The following DMD variants were observed in gnomAD, a reference collection of about 807,000 sequenced individuals.
The protein encoded by DMD is mutant dystrophin.
A neutral mutation model predicts 330.1 loss-of-function variants in DMD; 63 were observed. The ratio of observed to expected loss-of-function variants is 0.19; its 90% confidence interval spans 0.16 to 0.24. The LOEUF (loss-of-function observed/expected upper bound fraction) is 0.24, where lower values mean the gene tolerates loss of function less well. DMD is among the 10% of genes least tolerant of loss of function. The pLI, the probability that DMD is intolerant of heterozygous loss-of-function variation, is 1.00. For missense variants in DMD, 3,344 were observed against 2,684.1 expected, an observed-to-expected ratio of 1.25 and a Z score of -5.43; for synonymous variants, 1,223 against 959.8, an observed-to-expected ratio of 1.27 and a Z score of -5.07.
intron 59 of DMD, among the ~76,000 whole-genome samples, chrX:31,447,222 T>G (rs1283915875): frequency 9.1e-6 from 1 of 109,861 alleles, no homozygotes. Flanking sequence ...TTTTTAAAAT[T>G]TACTTTTCTT....
At chrX:32,628,425 G>T (rs1569340093) in intron 11 of DMD, among the ~76,000 whole-genome samples, 1 of 105,842 alleles carries the variant, frequency 9.4e-6, no homozygotes, top group African/African-American at 3.5e-5. Context: ...TCTTAGTCAA[G>T]CTTAAGACTT....
At position 32,344,426 on chromosome X, in the gene DMD, G is replaced by A. The variant is rs12686905; in HGVS notation, c.5587-1140C>T. ...GATTTTGATTAATCACTTATAGCCT[G>A]TATTTGCAAGAATGAACTACATTTC... On this transcript the variant is annotated intron_variant, in intron 39 of 78. Coordinates refer to ENST00000357033, the MANE Select transcript of DMD (RefSeq NM_004006.3). 4.3e-3 allele frequency among the ~76,000 whole-genome samples: 484 copies of A among 111,610 alleles called. 11 individuals are homozygous for A. The East Asian group carries it at 0.084, about 19-fold the overall frequency.
At chrX:32,964,978 A>T (rs1252857200) in intron 2 of DMD, among the ~76,000 whole-genome samples, 1 of 111,640 alleles carries the variant, frequency 9.0e-6, no homozygotes, top group Non-Finnish European at 1.9e-5. Context: ...ATTTGTCAGC[A>T]CCACAGGAGC....
chrX:31,314,091 T>C (rs1273617691), intron 62 of DMD, among the ~76,000 whole-genome samples: 1 of 112,095 alleles, frequency 8.9e-6, no homozygotes, highest in Non-Finnish European at 1.9e-5. Flanking sequence ...CACCTTGGCC[T>C]GCCAAAGTGC....
intron 2 of DMD, among the ~76,000 whole-genome samples, chrX:32,925,874 G>A (rs1030434583): frequency 9.0e-6 from 1 of 111,673 alleles, no homozygotes. Context: ...TTGGATATTG[G>A]GGGACATAAA....
chrX:32,484,954 G>C lies in DMD; in HGVS notation c.2768C>G (p.Ser923Cys). 8.3e-7 allele frequency: 1 copy of C among 1,211,370 alleles called. No homozygotes were observed. Among genetic ancestry groups the C allele is most frequent in the African/African-American group, 1.7e-5 (1 of 57,761 alleles). The change falls in exon 21 of 79, where the codon TCT becomes TGT. Residue 923 changes from serine to cysteine, a missense_variant. By Grantham distance (112) the Ser-to-Cys change is moderately radical (BLOSUM62 -1). Coordinates refer to ENST00000357033, the MANE Select transcript of DMD (RefSeq NM_004006.3). ...AFTNHFKQVF[S>C]DVQAREKELQ... ...CTCTTTCTCTCTGGCCTGCACATCAGAAAAGACTTGCTTAAAATGATTTGT... is the reference window on the plus strand; with the variant it reads ...CTCTTTCTCTCTGGCCTGCACATCACAAAAGACTTGCTTAAAATGATTTGT...
chrX:33,204,276 C>T (rs1449505266), intron 1 of DMD, among the ~76,000 whole-genome samples: 1 of 111,810 alleles, frequency 8.9e-6, no homozygotes, highest in South Asian at 3.7e-4. Flanking sequence ...GGACCCCAGT[C>T]GGCCATTCAG....
At chrX:32,070,707 A>C (rs1170577763) in intron 44 of DMD, among the ~76,000 whole-genome samples, 1 of 111,334 alleles carries the variant, frequency 9.0e-6, no homozygotes, top group African/African-American at 3.3e-5. Context: ...ATTGTAAGTG[A>C]AGTAACTCAG....
At chrX:33,250,980 C>CTA (rs2052763480) in intron 1 of DMD, among the ~76,000 whole-genome samples, 1 of 110,490 alleles carries the variant, frequency 9.1e-6, no homozygotes, top group African/African-American at 3.3e-5. Context: ...AAGCCATTTC[C>CTA]TATATATATT....
At chrX:32,240,639 A>G (rs2097204819) in intron 43 of DMD, among the ~76,000 whole-genome samples, 1 of 112,180 alleles carries the variant, frequency 8.9e-6, no homozygotes, top group Non-Finnish European at 1.9e-5. Context: ...CCCAGAGGAT[A>G]GAAACTTAAG....
At chrX:33,126,992 G>A (rs1320790361) in intron 1 of DMD, among the ~76,000 whole-genome samples, 1 of 111,568 alleles carries the variant, frequency 9.0e-6, no homozygotes, top group Admixed American at 9.6e-5. Context: ...AGTGAGAAAT[G>A]ACAACCACTT....
chrX:33,120,355 C>G (rs1485619322), intron 1 of DMD, among the ~76,000 whole-genome samples: 5 of 111,498 alleles, frequency 4.5e-5, no homozygotes, highest in Admixed American at 9.6e-5. Flanking sequence ...AATTATGCAC[C>G]AGAAGATGAG....
At chrX:32,709,062 AT>A (rs954789946) in intron 7 of DMD, among the ~76,000 whole-genome samples, 5 of 111,874 alleles carry the variant, frequency 4.5e-5, no homozygotes, top group Non-Finnish European at 9.4e-5. Context: ...ACTTTAACCC[AT>A]TTTCAAATTA....
chrX:32,430,605 TAAGTA>T (rs772492632), intron 29 of DMD, among the ~76,000 whole-genome samples: 41 of 111,890 alleles, frequency 3.7e-4, no homozygotes, highest in Non-Finnish European at 7.2e-4. Flanking sequence ...TAGCAAAGTT[TAAGTA>T]AATAGACTAA....
chrX:31,753,429 TTTTC>T (rs1480731653), intron 51 of DMD, among the ~76,000 whole-genome samples: 1 of 111,502 alleles, frequency 9.0e-6, no homozygotes, highest in Non-Finnish European at 1.9e-5. Flanking sequence ...AATCCTCCCT[TTTTC>T]TTTCTTCTAT....
intron 1 of DMD, among the ~76,000 whole-genome samples, chrX:33,219,117 T>C (rs1328180600): frequency 5.4e-5 from 6 of 111,352 alleles, no homozygotes; most frequent in Admixed American, 2.9e-4. Flanking sequence ...TGCATTCCAG[T>C]TGAGATTTTC....
At chrX:32,094,125 T>G (rs190633054) in intron 44 of DMD, among the ~76,000 whole-genome samples, 10 of 112,100 alleles carry the variant, frequency 8.9e-5, no homozygotes, top group African/African-American at 3.2e-4. Context: ...TCAAGAGTCC[T>G]ACTGATTGTT....
chrX:32,492,362 A>G (rs1402516529), intron 19 of DMD, among the ~76,000 whole-genome samples: 1 of 112,529 alleles, frequency 8.9e-6, no homozygotes, highest in African/African-American at 3.2e-5. Context: ...TGCGAGGAAG[A>G]AAAACAAGTA....
At chrX:32,808,348 C>A (rs1288079639) in intron 7 of DMD, among the ~76,000 whole-genome samples, 1 of 112,112 alleles carries the variant, frequency 8.9e-6, no homozygotes, top group Non-Finnish European at 1.9e-5. Flanking sequence ...TTATCAAGAG[C>A]AATATATTTG....
Sources: gnomAD v4.1 joint callset for allele counts (sites outside exome capture counted in the v4.1 genomes callset) on GRCh38, gnomAD v4.1.1 for gene constraint, MANE v1.5 for transcripts, NCBI Gene and HGNC (gene_info 2026-07-23, HGNC 2026-07-21) for gene names.